The following STOX2 variants were observed in gnomAD, a reference collection of about 807,000 sequenced individuals.
STOX2 encodes storkhead-box protein 2.
In STOX2, 28 loss-of-function variants were observed where a neutral mutation model predicts 60.9. That is an observed-to-expected ratio of 0.46 (90% confidence interval 0.34 to 0.63). STOX2 has a LOEUF of 0.63. STOX2 is among the 30% of genes least tolerant of loss of function. STOX2 has a pLI of 0.01. For missense variants in STOX2, 1,024 were observed against 1,187.7 expected, an observed-to-expected ratio of 0.86 and a Z score of 2.03; for synonymous variants, 472 against 463.9, an observed-to-expected ratio of 1.02 and a Z score of -0.22.
intron 1 of STOX2, among the ~76,000 whole-genome samples, chr4:183,855,843 C>T (rs1388168765): frequency 6.6e-6 from 1 of 152,194 alleles, no homozygotes; most frequent in Non-Finnish European, 1.5e-5. Context: ...CAAGTGCAGG[C>T]CCTTCACTTC....
chr4:183,903,035 C>G (rs538486792), upstream of STOX2, among the ~76,000 whole-genome samples: 1 of 152,228 alleles, frequency 6.6e-6, no homozygotes, highest in African/African-American at 2.4e-5. Flanking sequence ...GCGATTCAAA[C>G]TTACTTCCAG....
intron 1 of STOX2, among the ~76,000 whole-genome samples, chr4:183,923,929 C>T (rs1213763948): frequency 3.9e-5 from 6 of 152,204 alleles, no homozygotes; most frequent in Non-Finnish European, 7.3e-5. Flanking sequence ...TTCCTAGACA[C>T]CATCTGTGGA....
chr4:183,995,458 A>G (rs1337767126), intron 1 of STOX2, among the ~76,000 whole-genome samples: 1 of 152,080 alleles, frequency 6.6e-6, no homozygotes, highest in African/African-American at 2.4e-5. Context: ...AACTCCAACT[A>G]AAGTAATGGG....
chr4:183,953,278 G>T (rs772255156), intron 1 of STOX2, among the ~76,000 whole-genome samples: 17 of 152,138 alleles, frequency 1.1e-4, no homozygotes, highest in Non-Finnish European at 1.8e-4. Context: ...TGTTTTATGG[G>T]ATTTCCTTGG....
chr4:183,916,853 C>T (rs1428086565), intron 1 of STOX2, among the ~76,000 whole-genome samples: 3 of 152,224 alleles, frequency 2.0e-5, no homozygotes, highest in Non-Finnish European at 4.4e-5. Context: ...TTTCCAATAA[C>T]ACCCTCTTCC....
At chr4:183,845,932 A>G (rs1420870943) in intron 1 of STOX2, among the ~76,000 whole-genome samples, 2 of 152,134 alleles carry the variant, frequency 1.3e-5, no homozygotes, top group Non-Finnish European at 2.9e-5. Flanking sequence ...CTTCGTGCAT[A>G]TTGAATTATT....
intron 1 of STOX2, among the ~76,000 whole-genome samples, chr4:183,813,510 G>A (rs1739085649): frequency 6.6e-6 from 1 of 152,194 alleles, no homozygotes; most frequent in South Asian, 2.1e-4. Context: ...TGAATACTCT[G>A]CCATTTGATG....
intron 1 of STOX2, among the ~76,000 whole-genome samples, chr4:183,995,488 AATAG>A (rs1228255296): frequency 6.6e-6 from 1 of 151,860 alleles, no homozygotes; most frequent in Non-Finnish European, 1.5e-5. Context: ...GGAAGGGGAA[AATAG>A]ATAGAGGGAT....
At chr4:183,933,596 C>G (rs1484199124) in intron 1 of STOX2, among the ~76,000 whole-genome samples, 2 of 152,134 alleles carry the variant, frequency 1.3e-5, no homozygotes, top group Non-Finnish European at 2.9e-5. Context: ...GCCATGTTGG[C>G]CGGGCTGGCC....
In STOX2 at chr4:184,001,149, C is replaced by T. The variant is rs1268389012; in HGVS notation, c.167-176C>T. Reference sequence around the variant, plus strand: ...CTTCCACTGCGTGTGGAAGTCTTTCCACCTGAGTGGAATTGGCTGTGGCTT... The same window carrying T: ...CTTCCACTGCGTGTGGAAGTCTTTCTACCTGAGTGGAATTGGCTGTGGCTT... On this transcript the variant is annotated intron_variant, in intron 1 of 3. Transcript: ENST00000308497. The surrounding 1 kb of genome is among the most constrained non-coding windows in gnomAD (Gnocchi z 4.2). Among the ~76,000 whole-genome samples the T allele has an allele frequency of 1.3e-5, 2 of 152,132 alleles. No individual in the cohort carries two copies. Among genetic ancestry groups the T allele is most frequent in the Non-Finnish European group, 2.9e-5 (2 of 68,018 alleles).
intron 1 of STOX2, among the ~76,000 whole-genome samples, chr4:183,839,021 G>GCACA (rs571398047): frequency 0.015 from 2,330 of 151,428 alleles, 52 homozygotes; most frequent in African/African-American, 0.055. Context: ...GCACGCGCGC[G>GCACA]CGCACACACA....
intron 1 of STOX2, among the ~76,000 whole-genome samples, chr4:183,879,635 G>A (rs1478584358): frequency 1.3e-5 from 2 of 152,100 alleles, no homozygotes; most frequent in African/African-American, 4.8e-5. Flanking sequence ...ATTTCTCCAC[G>A]GACAACTCCA....
At chr4:183,798,079 G>A (rs1738669020) in intron 1 of STOX2, 2 of 1,225,880 alleles carry the variant, frequency 1.6e-6, no homozygotes, top group African/African-American at 1.6e-5. Context: ...CCGCGCGCCC[G>A]TCCCGTCCCT....
At chr4:183,874,952 A>AAAAAT (rs1740788891) in intron 1 of STOX2, among the ~76,000 whole-genome samples, 3 of 44,612 alleles carry the variant, frequency 6.7e-5, no homozygotes, top group African/African-American at 1.8e-4. Flanking sequence ...AAAAAAAAAA[A>AAAAAT]ATATATATAT....
At chr4:183,887,730 T>A (rs1741116794) in intron 1 of STOX2, among the ~76,000 whole-genome samples, 1 of 152,234 alleles carries the variant, frequency 6.6e-6, no homozygotes, top group African/African-American at 2.4e-5. Context: ...CCAAAGCTGA[T>A]GCTGTTAAAA....
In STOX2 at chr4:184,010,337, C is replaced by T. The variant is rs1368535154; in HGVS notation, c.1499C>T (p.Pro500Leu). Residue 500 changes from proline (P) to leucine (L), a missense_variant, in exon 3 of 4, where the codon CCT becomes CTT. Physicochemically the swap from Pro to Leu is moderately conservative, Grantham distance 98. Around this residue, in one of 3 missense-constraint regions of STOX2, gnomAD observed 922 missense variants for 1,058.3 expected, o/e 0.87. Transcript: ENST00000308497. The surrounding 1 kb of genome is among the most constrained non-coding windows in gnomAD (Gnocchi z 4.5). The part of the protein sequence containing the change: ...RSRSMDNSKG[P>L]LGASSLGTPE... ...AGGTCGATGGATAACTCCAAAGGCC[C>T]TCTGGGTGCTTCTTCTCTAGGGACG... is the stretch of plus-strand genomic sequence containing the variant. 2.5e-6 allele frequency: 4 copies of T among 1,609,256 alleles called. No homozygotes were observed. The highest frequency in any genetic ancestry group is 2.7e-5 in the African/African-American group (2 of 74,802).
chr4:183,932,075 A>G (rs886994267), intron 1 of STOX2, among the ~76,000 whole-genome samples: 1 of 151,648 alleles, frequency 6.6e-6, no homozygotes, highest in Non-Finnish European at 1.5e-5. Flanking sequence ...TGCTTTGGAG[A>G]CTCAGCTGAC....
At chr4:183,855,110 G>A (rs1740256153) in intron 1 of STOX2, among the ~76,000 whole-genome samples, 1 of 152,184 alleles carries the variant, frequency 6.6e-6, no homozygotes, top group African/African-American at 2.4e-5. Flanking sequence ...ATTAAAATGA[G>A]GGAAGGTGCA....
chr4:183,894,176 T>C (rs1741290837), intron 1 of STOX2, among the ~76,000 whole-genome samples: 1 of 152,134 alleles, frequency 6.6e-6, no homozygotes, highest in South Asian at 2.1e-4. Context: ...ATTAAAAATA[T>C]TAAAAATATC....
Sources: allele counts gnomAD v4.1 joint callset (sites outside exome capture counted in the v4.1 genomes callset), GRCh38; gene constraint gnomAD v4.1.1; regional missense constraint gnomAD v4.1.1; non-coding constraint Gnocchi (gnomAD v3.1); transcripts MANE v1.5; gene names NCBI Gene and HGNC (gene_info 2026-07-23, HGNC 2026-07-21).